RASSF3: variants seen among roughly 807,000 people sequenced by gnomAD.
RASSF3 encodes ras association domain-containing protein 3.
Under a neutral mutation model 19.9 loss-of-function variants are expected in RASSF3, and 19 were observed. The observed-to-expected ratio is 0.96, with a 90% CI of 0.67 to 1.40. The LOEUF is 1.40. RASSF3 is among the 40% of genes most tolerant of loss of function. The pLI, the probability that RASSF3 is intolerant of heterozygous loss-of-function variation, is 0.00. For missense variants in RASSF3, 306 were observed against 289.8 expected (o/e 1.06, Z -0.41); for synonymous variants, 110 against 104.2 (o/e 1.06, Z -0.34).
At chr12:64,508,766 C>T (rs1868307943) in intron 1 of RASSF3, among the ~76,000 whole-genome samples, 4 of 151,952 alleles carry the variant, frequency 2.6e-5, no homozygotes, top group African/African-American at 9.7e-5. Flanking sequence ...TGCCTGTAAT[C>T]CCAGCTACTC....
At chr12:64,564,963 T>C (rs1268622062) in intron 2 of RASSF3, among the ~76,000 whole-genome samples, 2 of 151,538 alleles carry the variant, frequency 1.3e-5, no homozygotes, top group African/African-American at 4.8e-5. Context: ...GTATTTTTAG[T>C]AGAGACAGGG....
chr12:64,670,815 CA>C (rs1872678965), intron 1 of RASSF3, among the ~76,000 whole-genome samples: 1 of 152,182 alleles, frequency 6.6e-6, no homozygotes, highest in South Asian at 2.1e-4. Context: ...CAGCAGTGGG[CA>C]AACGTTAGGG....
intron 1 of RASSF3, among the ~76,000 whole-genome samples, chr12:64,634,385 T>C (rs1565856445): frequency 6.6e-6 from 1 of 151,786 alleles, no homozygotes; most frequent in Non-Finnish European, 1.5e-5. Context: ...TTATCCAGGC[T>C]GGTCTTGAAC....
chr12:64,610,449 C>T (rs1870300481), upstream of RASSF3: 1 of 204,902 alleles, frequency 4.9e-6, no homozygotes, highest in Non-Finnish European at 9.5e-6. Flanking sequence ...GGCCGAGCCG[C>T]GCCTGGAGCC....
intron 1 of RASSF3, among the ~76,000 whole-genome samples, chr12:64,669,890 CAAA>C (rs35671310): frequency 0.054 from 5,784 of 106,612 alleles, 361 homozygotes; most frequent in African/African-American, 0.17. Flanking sequence ...TGTAAATTAC[CAAA>C]AAAAAAAAAA....
intron 1 of RASSF3, among the ~76,000 whole-genome samples, chr12:64,635,366 G>A (rs1273157952): frequency 6.6e-6 from 1 of 152,120 alleles, no homozygotes; most frequent in Admixed American, 6.6e-5. Flanking sequence ...ACCCATTGCT[G>A]TGGTTTTCTC....
chr12:64,693,293 G>A (rs1034698478), intron 4 of RASSF3, among the ~76,000 whole-genome samples: 2 of 151,976 alleles, frequency 1.3e-5, no homozygotes, highest in African/African-American at 4.8e-5. Context: ...TCAGACAGCA[G>A]TTCTCCACCA....
chr12:64,662,652 G>A (rs1249858069), intron 1 of RASSF3, among the ~76,000 whole-genome samples: 1 of 152,312 alleles, frequency 6.6e-6, no homozygotes, highest in South Asian at 2.1e-4. Flanking sequence ...AGCTTCCATG[G>A]TCTCTGCGTG....
intron 1 of RASSF3, among the ~76,000 whole-genome samples, chr12:64,633,469 C>T (rs1473479503): frequency 2.0e-5 from 3 of 152,104 alleles, no homozygotes; most frequent in Non-Finnish European, 4.4e-5. Flanking sequence ...TCTCTTGTTC[C>T]CTCTCCTGCC....
intron 2 of RASSF3, among the ~76,000 whole-genome samples, chr12:64,562,502 A>G (rs563767848): frequency 6.6e-6 from 1 of 152,182 alleles, no homozygotes; most frequent in African/African-American, 2.4e-5. Flanking sequence ...TCCTTTCCGA[A>G]ACTGCTCTTC....
intron 1 of RASSF3, among the ~76,000 whole-genome samples, chr12:64,677,246 G>T (rs1872941509): frequency 6.6e-6 from 1 of 152,170 alleles, no homozygotes; most frequent in Non-Finnish European, 1.5e-5. Flanking sequence ...TGTTGCTCCT[G>T]GCTGCTCTGA....
chr12:64,640,724 C>T (rs1475370304), intron 1 of RASSF3, among the ~76,000 whole-genome samples: 2 of 152,036 alleles, frequency 1.3e-5, no homozygotes, highest in Non-Finnish European at 2.9e-5. Context: ...CTCACTGCAG[C>T]CTCAACCTCC....
At chr12:64,589,812 G>A (rs1354691253) in intron 2 of RASSF3, among the ~76,000 whole-genome samples, 1 of 151,708 alleles carries the variant, frequency 6.6e-6, no homozygotes, top group Non-Finnish European at 1.5e-5. Context: ...AGACCAGCCT[G>A]GCCAACATGG....
chr12:64,509,336 G>C (rs1868313285), intron 1 of RASSF3, among the ~76,000 whole-genome samples: 2 of 152,044 alleles, frequency 1.3e-5, no homozygotes, highest in Non-Finnish European at 1.5e-5. Flanking sequence ...TATAATCCCA[G>C]CTACTTGGGA....
intron 2 of RASSF3, among the ~76,000 whole-genome samples, chr12:64,556,598 A>T (rs1263933914): frequency 6.6e-6 from 1 of 151,922 alleles, no homozygotes; most frequent in African/African-American, 2.4e-5. Flanking sequence ...TCTTCAAGAA[A>T]ATGGGTCCAG....
chr12:64,580,615 T>C (rs12811872), intron 2 of RASSF3, among the ~76,000 whole-genome samples: 37 of 107,744 alleles, frequency 3.4e-4, no homozygotes, highest in South Asian at 1.5e-3. Flanking sequence ...CACACACACA[T>C]CCACACAGAT....
chr12:64,550,905 A>G (rs888324212), intron 2 of RASSF3, among the ~76,000 whole-genome samples: 14 of 151,788 alleles, frequency 9.2e-5, no homozygotes, highest in African/African-American at 2.9e-4. Flanking sequence ...AAATGTTCCA[A>G]TCCTGCCGGC....
At chr12:64,536,304 C>T (rs1868826798) in intron 1 of RASSF3, among the ~76,000 whole-genome samples, 1 of 152,126 alleles carries the variant, frequency 6.6e-6, no homozygotes, top group African/African-American at 2.4e-5. Flanking sequence ...ACCACCGTGC[C>T]CAGCCTGTTT....
At chr12:64,615,049 A>G (rs1565850416) in intron 1 of RASSF3, among the ~76,000 whole-genome samples, 1 of 152,214 alleles carries the variant, frequency 6.6e-6, no homozygotes, top group Non-Finnish European at 1.5e-5. Flanking sequence ...GACAGTGTTT[A>G]TAATTTGTAT....
Sources: gnomAD v4.1 joint callset for allele counts (sites outside exome capture counted in the v4.1 genomes callset) on GRCh38, gnomAD v4.1.1 for gene constraint, MANE v1.5 for transcripts, NCBI Gene and HGNC (gene_info 2026-07-23, HGNC 2026-07-21) for gene names.